Variants in TRANK1 observed in about 807,000 individuals in gnomAD.
TRANK1 encodes TPR and ankyrin repeat-containing protein 1.
Under a neutral mutation model 266.0 loss-of-function variants are expected in TRANK1, and 198 were observed. The ratio of observed to expected loss-of-function variants is 0.74; its 90% CI spans 0.66 to 0.84. The LOEUF (loss-of-function observed/expected upper bound fraction) is 0.84. Ranked by LOEUF, TRANK1 falls within the 40% of genes least tolerant of loss-of-function variation. TRANK1 has a pLI of 0.00. For missense variants in TRANK1, 3,326 were observed against 3,634.6 expected, an observed-to-expected ratio of 0.92 and a Z score of 2.18; for synonymous variants, 1,396 against 1,384.1, an observed-to-expected ratio of 1.01 and a Z score of -0.19.
intron 8 of TRANK1, among the ~76,000 whole-genome samples, chr3:36,878,367 G>T (rs2079420353): frequency 6.6e-6 from 1 of 152,108 alleles, no homozygotes; most frequent in African/African-American, 2.4e-5. Context: ...AAAAGGTTGG[G>T]GACCACTGCT....
At position 36,830,961 on chromosome 3, in the gene TRANK1, G is replaced by A; in HGVS notation, c.8622C>T (p.His2874=). 3 of 1,613,992 alleles carry A rather than the reference G, an allele frequency of 1.9e-6. No homozygotes were observed. Among genetic ancestry groups the A allele is most frequent in the East Asian group, 4.5e-5 (2 of 44,862 alleles). Reference sequence around the variant, plus strand: ...CCTGGACCTTCTGCAGCATGTGGCTGTGCTCCTTGGAGCCCACGTGACTGT... The same window carrying A: ...CCTGGACCTTCTGCAGCATGTGGCTATGCTCCTTGGAGCCCACGTGACTGT... ...WIHSHVGSKE[H]SHMLQKVQEH... Residue 2874 remains histidine, a synonymous_variant, in exon 22 of 24, where the codon CAC becomes CAT. Transcript: ENST00000645898.
At chr3:36,922,123 G>C (rs1575320278) in intron 1 of TRANK1, among the ~76,000 whole-genome samples, 1 of 152,194 alleles carries the variant, frequency 6.6e-6, no homozygotes, top group East Asian at 1.9e-4. Flanking sequence ...TCCAGCCTGG[G>C]TGACAAAGTG....
intron 17 of TRANK1, among the ~76,000 whole-genome samples, chr3:36,843,575 C>A (rs1032810495): frequency 2.0e-5 from 3 of 151,814 alleles, no homozygotes; most frequent in South Asian, 4.2e-4. Context: ...CAGCACTGCA[C>A]CCCACCCCCA....
chr3:36,828,836 A>G (rs1480681813), intron 23 of TRANK1, among the ~76,000 whole-genome samples: 1 of 152,210 alleles, frequency 6.6e-6, no homozygotes, highest in Admixed American at 6.5e-5. Context: ...AGACCCCAGA[A>G]GGGACTAAAT....
In TRANK1 at chr3:36,831,881, C is replaced by T; in HGVS notation, c.7702G>A (p.Val2568Met). Residue 2568 changes from valine (V) to methionine (M), a missense_variant, in exon 22 of 24, where the codon GTG becomes ATG. Transcript: ENST00000645898. This position sits in a 1 kb window ranked among gnomAD's most constrained non-coding sequence, Gnocchi z 5.0. ...EAERTLVLCLVMLVNAEEILQ... is the reference protein window; with the variant it reads ...EAERTLVLCLMMLVNAEEILQ... ...ATCTCCTCAGCATTCACTAGCATCA[C>T]CAAGCACAGCACCAGTGTCCGCTCA... 6.2e-7 allele frequency: 1 copy of T among 1,614,028 alleles called. No individual in the cohort carries two copies. Among genetic ancestry groups the T allele is most frequent in the Non-Finnish European group, 8.5e-7 (1 of 1,179,908 alleles).
intron 20 of TRANK1, among the ~76,000 whole-genome samples, chr3:36,837,327 C>G (rs1349746061): frequency 1.3e-5 from 2 of 152,162 alleles, no homozygotes; most frequent in East Asian, 1.9e-4. Flanking sequence ...AAACATGGAA[C>G]AGGGTAGGCA....
At chr3:36,887,790 G>A (rs2079628517) in intron 8 of TRANK1, among the ~76,000 whole-genome samples, 1 of 152,144 alleles carries the variant, frequency 6.6e-6, no homozygotes, top group African/African-American at 2.4e-5. Context: ...CTAGTTGTTT[G>A]CCAGAATATC....
intron 7 of TRANK1, among the ~76,000 whole-genome samples, chr3:36,890,586 T>TGA (rs1196773869): frequency 6.6e-6 from 1 of 151,852 alleles, no homozygotes; most frequent in Non-Finnish European, 1.5e-5. Context: ...CAGGTGGGGG[T>TGA]GAGGGGGTTG....
Position 36,828,182 on chromosome 3 carries a change from A to T in TRANK1, c.*93T>A. 2 of 909,554 alleles carry T rather than the reference A, an allele frequency of 2.2e-6. No homozygotes were observed. The highest frequency in any genetic ancestry group is 3.5e-6 in the Non-Finnish European group (2 of 577,620). The allele number at this position is 909,554 out of a possible 1,614,324, so 56.3% of individuals were successfully genotyped here. Reference sequence around the variant, plus strand: ...AGACTCCCCTATTTTTAAAATGCTAATTCACATTCTTTTTGTCTTCTGCCC... The same window carrying T: ...AGACTCCCCTATTTTTAAAATGCTATTTCACATTCTTTTTGTCTTCTGCCC... On this transcript the variant is annotated 3_prime_UTR_variant, in exon 24 of 24. Coordinates refer to ENST00000645898, the MANE Select transcript of TRANK1 (RefSeq NM_001329998.2).
intron 1 of TRANK1, among the ~76,000 whole-genome samples, chr3:36,932,274 A>T (rs1347738499): frequency 6.6e-6 from 1 of 152,166 alleles, no homozygotes; most frequent in Non-Finnish European, 1.5e-5. Flanking sequence ...CTGTCTATAG[A>T]AATGTTAAAT....
chr3:36,879,400 C>G (rs1014883653), intron 8 of TRANK1, among the ~76,000 whole-genome samples: 1 of 150,680 alleles, frequency 6.6e-6, no homozygotes, highest in Non-Finnish European at 1.5e-5. Flanking sequence ...TCAAAGTAAC[C>G]AGTTCTACTG....
chr3:36,919,526 T>A (rs2080185690), intron 1 of TRANK1, among the ~76,000 whole-genome samples: 1 of 152,248 alleles, frequency 6.6e-6, no homozygotes, highest in South Asian at 2.1e-4. Flanking sequence ...TCCATTCTGT[T>A]GATGGGCATT....
At chr3:36,939,424 G>A (rs962582840) in intron 1 of TRANK1, among the ~76,000 whole-genome samples, 2 of 152,142 alleles carry the variant, frequency 1.3e-5, no homozygotes, top group African/African-American at 2.4e-5. Flanking sequence ...ACAGGGCTGG[G>A]ACTAGTCCCA....
Position 36,892,988 on chromosome 3 carries a change from G to C in TRANK1, c.553-4C>G, listed in dbSNP as rs1218715431. 6 of 1,497,856 alleles carry C rather than the reference G, an allele frequency of 4.0e-6. No individual in the cohort carries two copies. The highest frequency in any genetic ancestry group is 5.3e-6 in the Non-Finnish European group (6 of 1,130,460). The allele number at this position is 1,497,856 out of a possible 1,614,324, so 92.8% of individuals were successfully genotyped here. A position where few individuals can be genotyped will look rare whatever the true frequency, so the allele number is the denominator to read the frequency against. The stretch of plus-strand genomic sequence containing the variant: ...TTGCTGACAGAAGCAGAAATGACTG[G>C]TGGGAGAAGACAGAAAAGGCTGGAA... On this transcript the variant is annotated splice_region_variant and splice_polypyrimidine_tract_variant and intron_variant, in intron 5 of 23. Coordinates refer to ENST00000645898, the MANE Select transcript of TRANK1 (RefSeq NM_001329998.2).
intron 1 of TRANK1, among the ~76,000 whole-genome samples, chr3:36,926,595 T>C (rs2080291614): frequency 6.6e-6 from 1 of 152,122 alleles, no homozygotes; most frequent in Non-Finnish European, 1.5e-5. Context: ...TCTGGCCCTT[T>C]CCTAGGGGCT....
chr3:36,870,520 T>C (rs529917244), intron 9 of TRANK1, among the ~76,000 whole-genome samples: 16 of 151,814 alleles, frequency 1.1e-4, no homozygotes, highest in African/African-American at 3.6e-4. Flanking sequence ...TCTTTACAGA[T>C]TTTTTTTTAC....
chr3:36,939,638 A>T (rs562894197), intron 1 of TRANK1, among the ~76,000 whole-genome samples: 4 of 152,278 alleles, frequency 2.6e-5, no homozygotes, highest in African/African-American at 9.6e-5. Context: ...GTCAACAAAT[A>T]TTGATTGGTG....
In TRANK1 at chr3:36,910,070, T is replaced by C. The variant is rs565062754; in HGVS notation, c.24-1616A>G. Among the ~76,000 whole-genome samples, 5 of 152,328 alleles carry C rather than the reference T, an allele frequency of 3.3e-5. No homozygotes were observed. In the South Asian group the frequency reaches 1.0e-3, roughly 32 times the overall value. On this transcript the variant is annotated intron_variant, in intron 1 of 23. Coordinates refer to ENST00000645898, the MANE Select transcript of TRANK1 (RefSeq NM_001329998.2). ...ACAAAGAGTTCATATCCCTCCGTTA[T>C]AAATAGCTTTCCACTGCAAGAAAAG...
intron 3 of TRANK1, 131 bp downstream of exon 3, chr3:36,903,018 A>T: frequency 8.2e-7 from 1 of 1,223,824 alleles, no homozygotes; most frequent in Non-Finnish European, 1.1e-6. Flanking sequence ...AGGCAGGCTA[A>T]AAGGAAGGAG....
Sources: gnomAD v4.1 joint callset for allele counts (sites outside exome capture counted in the v4.1 genomes callset) on GRCh38, gnomAD v4.1.1 for gene constraint, Gnocchi (gnomAD v3.1) non-coding constraint, MANE v1.5 for transcripts, NCBI Gene and HGNC (gene_info 2026-07-23, HGNC 2026-07-21) for gene names.